BCORL1: variants seen among roughly 807,000 people sequenced by gnomAD.
BCORL1 encodes the protein BCL-6 corepressor-like protein 1.
BCORL1 carries 7 observed loss-of-function variants against 87.6 expected under a neutral mutation model. The observed-to-expected ratio is 0.08, with a 90% CI of 0.05 to 0.15. The LOEUF is 0.15. BCORL1 is among the 10% of genes least tolerant of loss of function. The pLI is 1.00. For missense variants in BCORL1, 1,215 were observed against 1,499.7 expected (o/e 0.81, Z 3.13); for synonymous variants, 591 against 634.4 (o/e 0.93, Z 1.03).
At chrX:130,050,818 C>T in intron 12 of BCORL1, 24 bp downstream of exon 12, 16 of 1,156,010 alleles carry the variant, frequency 1.4e-5, no homozygotes, top group Admixed American at 2.2e-5. Flanking sequence ...GAGATTCTTC[C>T]CACCCTTCTT....
intron 1 of BCORL1, among the ~76,000 whole-genome samples, chrX:129,989,900 C>G (rs900196697): frequency 9.0e-6 from 1 of 110,621 alleles, no homozygotes; most frequent in African/African-American, 3.3e-5. Context: ...ATTCTCGTGC[C>G]TCAGCCTCTC....
chrX:129,988,557 A>G (rs986866145), intron 1 of BCORL1, among the ~76,000 whole-genome samples: 2 of 111,741 alleles, frequency 1.8e-5, no homozygotes. Flanking sequence ...TACAGCTGAT[A>G]TATTATTTGT....
rs1480898193 is a variant in BCORL1 at position 130,013,822 on chromosome X, T to C, written c.1050T>C (p.Pro350=). 1.7e-6 allele frequency: 2 copies of C among 1,168,153 alleles called. No homozygotes were observed. Among genetic ancestry groups the C allele is most frequent in the South Asian group, 1.9e-5 (1 of 52,884 alleles). The change falls in exon 4 of 14, where the codon CCT becomes CCC. Residue 350 remains proline (P), a synonymous_variant. Transcript: ENST00000540052. ...PMPASTPPAA[P]APPSVPMPTP... The stretch of plus-strand genomic sequence containing the variant: ...CAGCATCCACGCCTCCAGCGGCCCC[T>C]GCCCCTCCGTCTGTGCCCATGCCCA...
intron 9 of BCORL1, among the ~76,000 whole-genome samples, chrX:130,034,925 A>G (rs1265724098): frequency 9.0e-6 from 1 of 111,505 alleles, no homozygotes; most frequent in Non-Finnish European, 1.9e-5. Flanking sequence ...CAGGAACGCA[A>G]TTTTTGGATA....
At chrX:130,033,531 G>T (rs1930753455) in intron 8 of BCORL1, among the ~76,000 whole-genome samples, 2 of 112,577 alleles carry the variant, frequency 1.8e-5, no homozygotes, top group South Asian at 7.3e-4. Flanking sequence ...CAGAGGCAAG[G>T]TTCAAGCCCA....
chrX:130,010,335 C>T (rs904835857), intron 2 of BCORL1, among the ~76,000 whole-genome samples: 1 of 112,131 alleles, frequency 8.9e-6, no homozygotes, highest in African/African-American at 3.2e-5. Context: ...AACACGCTTC[C>T]CCCTGGCCCA....
chrX:130,043,692 A>G (rs1360602135), intron 11 of BCORL1, among the ~76,000 whole-genome samples: 1 of 94,404 alleles, frequency 1.1e-5, no homozygotes, highest in African/African-American at 4.0e-5. Flanking sequence ...CTTTTGTCTC[A>G]GCCTCCCCAC....
At chrX:130,016,254 G>A (rs758687446) in intron 4 of BCORL1, 41 bp downstream of exon 4, 2 of 1,149,162 alleles carry the variant, frequency 1.7e-6, no homozygotes, top group East Asian at 3.2e-5. Context: ...CCGAGATGCC[G>A]CTGGTCTACT....
At chrX:130,039,056 C>T in intron 10 of BCORL1, 81 bp from the exon 11 acceptor site, 1 of 1,102,485 alleles carries the variant, frequency 9.1e-7, no homozygotes, top group East Asian at 3.0e-5. Context: ...TCAGTTTTTT[C>T]CCCTGATGCA....
chrX:129,992,164 C>T (rs1028398223), intron 1 of BCORL1, among the ~76,000 whole-genome samples: 5 of 117 alleles, frequency 0.043, no homozygotes, highest in Non-Finnish European at 0.043. Context: ...GGGCCAGGCA[C>T]AGTCGTCACG....
At chrX:130,023,208 A>G (rs1929976841) in intron 6 of BCORL1, among the ~76,000 whole-genome samples, 1 of 111,742 alleles carries the variant, frequency 8.9e-6, no homozygotes, top group East Asian at 2.8e-4. Context: ...TTTTCAGAGC[A>G]GGGATTTGAC....
intron 1 of BCORL1, among the ~76,000 whole-genome samples, chrX:129,984,790 C>T (rs1469583870): frequency 5.4e-5 from 6 of 111,960 alleles, no homozygotes; most frequent in Admixed American, 3.8e-4. Flanking sequence ...CCTTCTATTC[C>T]GCTCGCACCT....
Position 130,013,606 on chromosome X carries a change from G to C in BCORL1, c.834G>C (p.Ser278=), listed in dbSNP as rs749026328. Reference sequence around the variant, plus strand: ...CTGACTCGAACCCCCTTTCTGTTTCGGCCTCAGTCTTGGTGCCTGTGCCAG... The same window carrying C: ...CTGACTCGAACCCCCTTTCTGTTTCCGCCTCAGTCTTGGTGCCTGTGCCAG... ...LISDSNPLSV[S]ASVLVPVPAS... Residue 278 remains serine, a synonymous_variant, in exon 4 of 14, where the codon TCG becomes TCC. Coordinates refer to ENST00000540052, the MANE Select transcript of BCORL1 (RefSeq NM_001379451.1). 1 of 1,210,393 alleles carries C rather than the reference G, an allele frequency of 8.3e-7. No individual in the cohort carries two copies. The highest frequency in any genetic ancestry group is 3.0e-5 in the East Asian group (1 of 33,791).
At chrX:130,041,072 T>A (rs1931276392) in intron 11 of BCORL1, among the ~76,000 whole-genome samples, 3 of 110,229 alleles carry the variant, frequency 2.7e-5, no homozygotes, top group African/African-American at 9.9e-5. Context: ...TTTTAAGTAG[T>A]TAAAAAATGG....
At chrX:130,000,967 C>T (rs184206005) in intron 1 of BCORL1, among the ~76,000 whole-genome samples, 1 of 110,100 alleles carries the variant, frequency 9.1e-6, no homozygotes, top group East Asian at 2.8e-4. Flanking sequence ...TGTGATTTCT[C>T]AGGGCCGTCA....
chrX:130,035,868 T>G (rs1209310704), intron 9 of BCORL1, among the ~76,000 whole-genome samples: 2 of 112,522 alleles, frequency 1.8e-5, no homozygotes, highest in Non-Finnish European at 3.8e-5. Context: ...GGCAGACATC[T>G]GCACTGGTGA....
At chrX:130,043,630 A>C (rs1177291040) in intron 11 of BCORL1, among the ~76,000 whole-genome samples, 3 of 104,282 alleles carry the variant, frequency 2.9e-5, no homozygotes, top group Non-Finnish European at 5.9e-5. Context: ...GCTGGAGTGC[A>C]ATGGCGCAAT....
chrX:130,030,407 G>A (rs1930515931), intron 8 of BCORL1, among the ~76,000 whole-genome samples: 1 of 111,578 alleles, frequency 9.0e-6, no homozygotes, highest in Non-Finnish European at 1.9e-5. Flanking sequence ...GCACTTGGGA[G>A]GTAGGCACCT....
intron 1 of BCORL1, among the ~76,000 whole-genome samples, chrX:129,999,060 GT>G (rs10566190): frequency 0.03 from 2,577 of 87,237 alleles, 35 homozygotes; most frequent in Non-Finnish European, 0.039. Context: ...ATTTTTTGTG[GT>G]TTTTTTTTTT....
Sources: allele counts gnomAD v4.1 joint callset (sites outside exome capture counted in the v4.1 genomes callset), GRCh38; gene constraint gnomAD v4.1.1; transcripts MANE v1.5; gene names NCBI Gene and HGNC (gene_info 2026-07-23, HGNC 2026-07-21).